CEP152: variants seen among roughly 807,000 people sequenced by gnomAD.
The protein encoded by CEP152 is centrosomal protein of 152 kDa.
In CEP152, 132 loss-of-function variants were observed where a neutral mutation model predicts 188.9. The ratio of observed to expected loss-of-function variants is 0.70; its 90% CI spans 0.61 to 0.81. The LOEUF (loss-of-function observed/expected upper bound fraction) is 0.81. CEP152 is among the 30% of genes least tolerant of loss of function. CEP152 has a pLI of 0.00. For synonymous variants in CEP152, 649 were observed against 666.6 expected (o/e 0.97, Z 0.41); for missense variants, 1,914 against 1,969.8 (o/e 0.97, Z 0.54).
At chr15:48,739,315 TAA>T in intron 26 of CEP152, 27 bp from the exon 27 acceptor site, 1 of 1,579,822 alleles carries the variant, frequency 6.3e-7, no homozygotes, top group South Asian at 1.2e-5. Flanking sequence ...AACACGAAAT[TAA>T]GAGAAAATTA....
chr15:48,805,739 C>T, intron 1 of CEP152, 83 bp from the exon 2 acceptor site: 3 of 1,574,098 alleles, frequency 1.9e-6, no homozygotes, highest in Non-Finnish European at 2.6e-6. Context: ...GCCATACATA[C>T]ACAAAGTGAA....
chr15:48,745,987 A>C (rs1362683825), intron 22 of CEP152, among the ~76,000 whole-genome samples: 1 of 152,280 alleles, frequency 6.6e-6, no homozygotes, highest in East Asian at 1.9e-4. Flanking sequence ...AACACTCCGT[A>C]AGTTGAGGAA....
At chr15:48,737,707 A>G (rs1034479962), downstream of CEP152, among the ~76,000 whole-genome samples, 2 of 152,144 alleles carry the variant, frequency 1.3e-5, no homozygotes, top group African/African-American at 2.4e-5. Context: ...TTTGTAGTAA[A>G]CCCTGGAAAA....
intron 13 of CEP152, among the ~76,000 whole-genome samples, chr15:48,771,546 C>T (rs1054704466): frequency 4.6e-5 from 7 of 152,128 alleles, no homozygotes; most frequent in Non-Finnish European, 1.0e-4. Context: ...AAAAGCCAAT[C>T]TTAAAGAAAT....
chr15:48,807,521 G>A (rs907756008), intron 1 of CEP152, among the ~76,000 whole-genome samples: 2 of 148,846 alleles, frequency 1.3e-5, no homozygotes, highest in African/African-American at 5.0e-5. Context: ...CGCCACTGCA[G>A]TCCGCAGTCC....
chr15:48,730,738 G>A (rs2140523071), intron 2 of CEP152, among the ~76,000 whole-genome samples: 1 of 152,228 alleles, frequency 6.6e-6, no homozygotes, highest in Middle Eastern at 3.4e-3. Context: ...AAAATGACCA[G>A]CTAAAAACTA....
Position 48,791,232 on chromosome 15 carries a change from G to C in CEP152, c.972+5C>G. On this transcript the variant is annotated splice_donor_5th_base_variant and intron_variant, in intron 8 of 26. Transcript: ENST00000380950. The stretch of plus-strand genomic sequence containing the variant: ...TTTTTACCATACATAAGTTAAAATA[G>C]GTACCTGTTCTTCATTGACTTTTAA... The C allele has an allele frequency of 6.2e-7, 1 of 1,609,392 alleles. No homozygotes were observed. Among genetic ancestry groups the C allele is most frequent in the Non-Finnish European group, 8.5e-7 (1 of 1,178,838 alleles).
chr15:48,771,360 A>G (rs1895519650), intron 13 of CEP152, among the ~76,000 whole-genome samples: 1 of 152,210 alleles, frequency 6.6e-6, no homozygotes, highest in South Asian at 2.1e-4. Context: ...GATTTTGTGT[A>G]CTTTCCCATA....
At chr15:48,741,497 A>AT in intron 26 of CEP152, 104 bp downstream of exon 26, 1 of 1,598,602 alleles carries the variant, frequency 6.3e-7, no homozygotes, top group Non-Finnish European at 8.5e-7. Flanking sequence ...AACTTCACAA[A>AT]TTAACTCTCA....
At chr15:48,759,859 T>C (rs779545554) in intron 19 of CEP152, among the ~76,000 whole-genome samples, 7 of 152,170 alleles carry the variant, frequency 4.6e-5, no homozygotes, top group African/African-American at 9.7e-5. Context: ...AATAAACAAA[T>C]ATATACCTGT....
chr15:48,754,381 T>C (rs1894107154), intron 20 of CEP152, among the ~76,000 whole-genome samples: 2 of 152,164 alleles, frequency 1.3e-5, no homozygotes, highest in Non-Finnish European at 2.9e-5. Flanking sequence ...TTGATTTTTA[T>C]AACAGATTTT....
chr15:48,763,567 A>C (rs971486367), intron 17 of CEP152, among the ~76,000 whole-genome samples: 3 of 152,024 alleles, frequency 2.0e-5, no homozygotes, highest in African/African-American at 7.2e-5. Flanking sequence ...CCAGCTACTC[A>C]GGAGGCTGAG....
chr15:48,761,429 G>A (rs983274877), intron 18 of CEP152, among the ~76,000 whole-genome samples: 9 of 152,100 alleles, frequency 5.9e-5, no homozygotes, highest in African/African-American at 1.9e-4. Context: ...ACTACATAAC[G>A]GATGTATCAA....
chr15:48,771,038 T>C (rs1895491824), intron 13 of CEP152, among the ~76,000 whole-genome samples: 1 of 152,198 alleles, frequency 6.6e-6, no homozygotes, highest in African/African-American at 2.4e-5. Context: ...ACTACCCACA[T>C]TCCTTTTCCC....
intron 21 of CEP152, among the ~76,000 whole-genome samples, chr15:48,749,849 G>T (rs1271273715): frequency 6.6e-6 from 1 of 151,900 alleles, no homozygotes; most frequent in Non-Finnish European, 1.5e-5. Context: ...AAAAAAAAAT[G>T]CTATAAGACA....
downstream of CEP152, among the ~76,000 whole-genome samples, chr15:48,732,982 T>C (rs1030639708): frequency 6.6e-6 from 1 of 151,864 alleles, no homozygotes; most frequent in African/African-American, 2.4e-5. Context: ...TCCCAGCTAC[T>C]TGGGAGGCTG....
intron 22 of CEP152, among the ~76,000 whole-genome samples, chr15:48,745,302 C>A (rs978153837): frequency 2.6e-5 from 4 of 152,068 alleles, no homozygotes; most frequent in Admixed American, 2.6e-4. Context: ...ACTAGGTTTT[C>A]TAATTCCATG....
intron 22 of CEP152, among the ~76,000 whole-genome samples, chr15:48,745,232 T>G (rs539255798): frequency 2.6e-4 from 40 of 152,124 alleles, no homozygotes; most frequent in Admixed American, 7.9e-4. Flanking sequence ...GAATTGGGTT[T>G]CAACTGTTTC....
chr15:48,795,104 A>C (rs551095079), intron 6 of CEP152, among the ~76,000 whole-genome samples: 12 of 152,244 alleles, frequency 7.9e-5, no homozygotes, highest in African/African-American at 2.7e-4. Flanking sequence ...CAATATGCAC[A>C]ATAATTAGAA....
Sources: allele counts gnomAD v4.1 joint callset (sites outside exome capture counted in the v4.1 genomes callset), GRCh38; gene constraint gnomAD v4.1.1; transcripts MANE v1.5; gene names NCBI Gene and HGNC (gene_info 2026-07-23, HGNC 2026-07-21).